TGFBR2: variants seen among roughly 807,000 people sequenced by gnomAD.
The protein encoded by TGFBR2 is transforming growth factor beta receptor 2.
Under a neutral mutation model 49.0 loss-of-function variants are expected in TGFBR2, and 18 were observed. The ratio of observed to expected loss-of-function variants is 0.37; its 90% CI spans 0.25 to 0.54. The LOEUF (loss-of-function observed/expected upper bound fraction) is 0.54. Ranked by LOEUF, TGFBR2 falls within the 20% of genes least tolerant of loss-of-function variation. The pLI is 0.85. For missense variants in TGFBR2, 525 were observed against 722.6 expected (o/e 0.73, Z 3.13); for synonymous variants, 282 against 275.9 (o/e 1.02, Z -0.22).
chr3:30,648,198 T>TCAAGTATTA (rs1698804136), intron 2 of TGFBR2, among the ~76,000 whole-genome samples: 2 of 152,174 alleles, frequency 1.3e-5, no homozygotes. Context: ...TTACCAGGTC[T>TCAAGTATTA]CAAGTATTAC....
chr3:30,625,595 T>A (rs1257992910), intron 1 of TGFBR2, among the ~76,000 whole-genome samples: 1 of 152,178 alleles, frequency 6.6e-6, no homozygotes, highest in Non-Finnish European at 1.5e-5. Context: ...GATAGGAAAT[T>A]GTAAAATCCA....
At chr3:30,648,610 T>C (rs1022842853) in intron 2 of TGFBR2, among the ~76,000 whole-genome samples, 8 of 152,204 alleles carry the variant, frequency 5.3e-5, no homozygotes, top group African/African-American at 1.7e-4. Context: ...TTTAGTTTCA[T>C]TTGGTGTCCT....
intron 1 of TGFBR2, among the ~76,000 whole-genome samples, chr3:30,611,530 C>A (rs1056243675): frequency 3.3e-5 from 5 of 150,078 alleles, no homozygotes; most frequent in Non-Finnish European, 5.9e-5. Flanking sequence ...AAAGCCACTG[C>A]AAAATTTTAA....
intron 5 of TGFBR2, among the ~76,000 whole-genome samples, chr3:30,681,872 A>T (rs144780523): frequency 3.9e-5 from 6 of 152,336 alleles, no homozygotes; most frequent in African/African-American, 1.4e-4. Context: ...AGATTGCAGG[A>T]AATGCCAGTA....
At chr3:30,652,445 T>C (rs1484468222) in intron 3 of TGFBR2, among the ~76,000 whole-genome samples, 1 of 151,964 alleles carries the variant, frequency 6.6e-6, no homozygotes, top group Admixed American at 6.6e-5. Context: ...TGTTCGTCAG[T>C]CTGGTCTCGA....
At chr3:30,648,445 CACACACACACA>C (rs1036104043) in intron 2 of TGFBR2, among the ~76,000 whole-genome samples, 1 of 150,138 alleles carries the variant, frequency 6.7e-6, no homozygotes, top group African/African-American at 2.5e-5. Flanking sequence ...CACACACACA[CACACACACACA>C]CACACAAAAC....
intron 1 of TGFBR2, among the ~76,000 whole-genome samples, chr3:30,640,491 A>G (rs1334869957): frequency 6.6e-6 from 1 of 152,184 alleles, no homozygotes; most frequent in Admixed American, 6.5e-5. Flanking sequence ...TAATATTTAC[A>G]TATAACCTAC....
intron 3 of TGFBR2, among the ~76,000 whole-genome samples, chr3:30,661,298 C>G (rs369700167): frequency 6.7e-6 from 1 of 150,002 alleles, no homozygotes; most frequent in Non-Finnish European, 1.5e-5. Context: ...GTGAAACTCT[C>G]TTTGTGGGAG....
chr3:30,609,772 C>G (rs1205393224), intron 1 of TGFBR2, among the ~76,000 whole-genome samples: 1 of 152,182 alleles, frequency 6.6e-6, no homozygotes, highest in East Asian at 1.9e-4. Flanking sequence ...GGGTAAGAGA[C>G]TAGACATCAT....
rs188426467 is a variant in TGFBR2, at chr3:30,608,362, C to A, written c.94+1385C>A. ...TTAGTTTCCTCATCTGTAAAATGGC[C>A]AGCTTGAATCTGGGTAATTTTACAT... On this transcript the variant is annotated intron_variant, in intron 1 of 6. Transcript: ENST00000295754. 2.0e-3 allele frequency among the ~76,000 whole-genome samples: 305 copies of A among 152,188 alleles called. 3 individuals carry two copies. The highest frequency in any genetic ancestry group is 3.6e-3 in the Admixed American group (55 of 15,300).
In TGFBR2 at chr3:30,672,158, C is replaced by T. The variant is rs532098604; in HGVS notation, c.975C>T (p.Thr325=). ...TELGKQYWLI[T]AFHAKGNLQE... is the part of the protein sequence containing the mutation. ...TGGGGAAACAATACTGGCTGATCAC[C>T]GCCTTCCACGCCAAGGGCAACCTAC... Residue 325 remains threonine, a synonymous_variant, in exon 4 of 7, where the codon ACC becomes ACT. Coordinates refer to ENST00000295754, the MANE Select transcript of TGFBR2 (RefSeq NM_003242.6). This position sits in a 1 kb window ranked among gnomAD's most constrained non-coding sequence, Gnocchi z 4.5. 60 of 1,614,164 alleles carry T rather than the reference C, an allele frequency of 3.7e-5. No homozygotes were observed. Among genetic ancestry groups the T allele is most frequent in the Admixed American group, 3.3e-4 (20 of 60,034 alleles).
chr3:30,642,714 CT>C (rs1057031740), intron 1 of TGFBR2, among the ~76,000 whole-genome samples: 7 of 151,298 alleles, frequency 4.6e-5, no homozygotes, highest in Admixed American at 1.3e-4. Context: ...CGTGGTTTCA[CT>C]TTTTTTTTGC....
chr3:30,614,655 C>T (rs530517292), intron 1 of TGFBR2, among the ~76,000 whole-genome samples: 10 of 152,268 alleles, frequency 6.6e-5, no homozygotes, highest in Admixed American at 3.3e-4. Context: ...TGCTACTGCA[C>T]GGATCATGCT....
intron 1 of TGFBR2, among the ~76,000 whole-genome samples, chr3:30,635,892 AACACACACACTC>A (rs1698519321): frequency 6.6e-6 from 1 of 152,084 alleles, no homozygotes; most frequent in Non-Finnish European, 1.5e-5. Flanking sequence ...TAAATGCATA[AACACACACACTC>A]ACACACACAC....
rs538923091 is a variant in TGFBR2 at position 30,646,536 on chromosome 3, G to A, written c.263+1621G>A. The stretch of plus-strand genomic sequence containing the variant: ...AAACATATTCTGCATAACTCTGAAG[G>A]GTAGAGGGAGGATCCATAACATTTG... On this transcript the variant is annotated intron_variant, in intron 2 of 6. Coordinates refer to ENST00000295754, the MANE Select transcript of TGFBR2 (RefSeq NM_003242.6). Among the ~76,000 whole-genome samples, 27 of 152,254 alleles carry A rather than the reference G, an allele frequency of 1.8e-4. 1 individual carries two copies. In the South Asian group the frequency reaches 5.6e-3, roughly 32 times the overall value.
chr3:30,657,329 G>A (rs12490421), intron 3 of TGFBR2, among the ~76,000 whole-genome samples: 24,515 of 152,134 alleles, frequency 0.16, 2,279 homozygotes, highest in East Asian at 0.37. Context: ...CTTGGCAAGA[G>A]GCACAACCTC....
At chr3:30,625,362 A>T (rs1024344537) in intron 1 of TGFBR2, among the ~76,000 whole-genome samples, 1 of 152,218 alleles carries the variant, frequency 6.6e-6, no homozygotes, top group African/African-American at 2.4e-5. Flanking sequence ...ATTCTGATCT[A>T]AGGAACTATT....
At chr3:30,634,373 A>T (rs1698488976) in intron 1 of TGFBR2, among the ~76,000 whole-genome samples, 1 of 152,252 alleles carries the variant, frequency 6.6e-6, no homozygotes, top group Non-Finnish European at 1.5e-5. Context: ...TAAAAAGCAC[A>T]TCTTCATTTA....
chr3:30,631,622 T>TC (rs1698438468), intron 1 of TGFBR2, among the ~76,000 whole-genome samples: 2 of 18,992 alleles, frequency 1.1e-4, no homozygotes, highest in Non-Finnish European at 8.9e-5. Context: ...AACTTCTTTC[T>TC]TTTTTTTTTT....
Sources: allele counts gnomAD v4.1 joint callset (sites outside exome capture counted in the v4.1 genomes callset), GRCh38; gene constraint gnomAD v4.1.1; non-coding constraint Gnocchi (gnomAD v3.1); transcripts MANE v1.5; gene names NCBI Gene and HGNC (gene_info 2026-07-23, HGNC 2026-07-21).